The following ZAP70 variants were observed in gnomAD, a reference collection of about 807,000 sequenced individuals.
The protein encoded by ZAP70 is tyrosine-protein kinase ZAP-70.
Under a neutral mutation model 65.8 loss-of-function variants are expected in ZAP70, and 27 were observed. That is an observed-to-expected ratio of 0.41 (90% CI 0.30 to 0.57). ZAP70 has a LOEUF of 0.57. Among genes scored for constraint, ZAP70 ranks in the 20% least tolerant of loss-of-function variants. The pLI is 0.28. For synonymous variants in ZAP70, 363 were observed against 360.8 expected (o/e 1.01, Z -0.07); for missense variants, 696 against 870.5 (o/e 0.80, Z 2.52).
the ZAP70 span, among the ~76,000 whole-genome samples, chr2:97,754,072 T>C: frequency 2.0e-5 from 3 of 152,226 alleles, 1 homozygote; most frequent in Admixed American, 6.5e-5. Flanking sequence ...CTTGGCCTAG[T>C]ACAAAGCGAC....
At chr2:97,730,807 G>C (rs1246079613) in intron 4 of ZAP70, among the ~76,000 whole-genome samples, 1 of 152,178 alleles carries the variant, frequency 6.6e-6, no homozygotes, top group African/African-American at 2.4e-5. Flanking sequence ...TGTAATCCCA[G>C]CACTTTGGGA....
intron 4 of ZAP70, among the ~76,000 whole-genome samples, chr2:97,730,793 C>T (rs529652426): frequency 1.1e-4 from 17 of 152,196 alleles, no homozygotes; most frequent in Middle Eastern, 3.4e-3. Flanking sequence ...TGGTGGCTCA[C>T]GCCTGTAATC....
chr2:97,755,239 G>A, the ZAP70 span, among the ~76,000 whole-genome samples: 1 of 152,054 alleles, frequency 6.6e-6, no homozygotes, highest in Non-Finnish European at 1.5e-5. Flanking sequence ...AGGGACCATG[G>A]AGGAGCTGAA....
intron 4 of ZAP70, among the ~76,000 whole-genome samples, chr2:97,726,920 T>G (rs190018576): frequency 5.3e-5 from 8 of 152,370 alleles, no homozygotes; most frequent in Admixed American, 2.6e-4. Context: ...TTATTGCTCT[T>G]CATGATTCTG....
At chr2:97,741,565 G>A (rs1678131769), downstream of ZAP70, among the ~76,000 whole-genome samples, 1 of 152,194 alleles carries the variant, frequency 6.6e-6, no homozygotes, top group South Asian at 2.1e-4. Flanking sequence ...TGTCCGCTAG[G>A]AAAGCTCCCC....
chr2:97,728,211 C>A lies in ZAP70; in HGVS notation c.563+2959C>A, dbSNP rs538170073. Among the ~76,000 whole-genome samples, 8 of 152,346 alleles carry A rather than the reference C, an allele frequency of 5.3e-5. No homozygotes were observed. The East Asian group carries it at 1.5e-3, about 29-fold the overall frequency. On this transcript the variant is annotated intron_variant, in intron 4 of 13. Coordinates refer to ENST00000264972, the MANE Select transcript of ZAP70 (RefSeq NM_001079.4). ...GAGAGCCAGGGCCAACAGCTTTAAG[C>A]AGCTGTCTGTGCATTGCATATCAAA...
intron 2 of ZAP70, among the ~76,000 whole-genome samples, chr2:97,722,691 G>A (rs1047768457): frequency 5.3e-5 from 8 of 152,228 alleles, no homozygotes; most frequent in African/African-American, 1.9e-4. Flanking sequence ...TCCCCTAGGA[G>A]GGATAGTTCT....
At chr2:97,753,168 G>C in the ZAP70 span, among the ~76,000 whole-genome samples, 1 of 152,184 alleles carries the variant, frequency 6.6e-6, no homozygotes, top group African/African-American at 2.4e-5. Flanking sequence ...TCTGATCATA[G>C]ACTATCCTTT....
chr2:97,735,943 G>A (rs1233468015), intron 10 of ZAP70, among the ~76,000 whole-genome samples: 1 of 152,184 alleles, frequency 6.6e-6, no homozygotes, highest in Non-Finnish European at 1.5e-5. Flanking sequence ...ACGAGGCGGA[G>A]CTTGCAGTGA....
intron 3 of ZAP70, 179 bp from the exon 4 acceptor site, chr2:97,724,913 A>G (rs1456845659): frequency 6.5e-7 from 1 of 1,533,202 alleles, no homozygotes; most frequent in Non-Finnish European, 8.7e-7. Context: ...GTTCCTCCCT[A>G]GCTGGATTGG....
At chr2:97,724,485 GA>G (rs768332464) in intron 3 of ZAP70, 47 bp downstream of exon 3, 1 of 1,509,160 alleles carries the variant, frequency 6.6e-7, no homozygotes, top group Non-Finnish European at 8.8e-7. Context: ...CGTGGCCGAA[GA>G]GGGGCAGTCG....
chr2:97,755,866 T>C, the ZAP70 span, among the ~76,000 whole-genome samples: 2 of 152,218 alleles, frequency 1.3e-5, no homozygotes, highest in Non-Finnish European at 2.9e-5. Flanking sequence ...AGACTGTTCC[T>C]GAGAATGGTG....
intron 4 of ZAP70, among the ~76,000 whole-genome samples, chr2:97,726,328 A>G (rs1305791532): frequency 6.6e-6 from 1 of 152,204 alleles, no homozygotes; most frequent in Non-Finnish European, 1.5e-5. Flanking sequence ...CTTTTCTGTA[A>G]CAGATGGTAT....
chr2:97,737,017 C>A lies in ZAP70; in HGVS notation c.1290-456C>A, dbSNP rs1187104985. Among the ~76,000 whole-genome samples the A allele has an allele frequency of 6.6e-6, 1 of 151,994 alleles. No individual in the cohort carries two copies. Among genetic ancestry groups the A allele is most frequent in the African/African-American group, 2.4e-5 (1 of 41,382 alleles). On this transcript the variant is annotated intron_variant, in intron 10 of 13. Coordinates refer to ENST00000264972, the MANE Select transcript of ZAP70 (RefSeq NM_001079.4). The surrounding 1 kb of genome is among the most constrained non-coding windows in gnomAD (Gnocchi z 5.0). ...TGCGGCTGCTTCCCGGTGGCAGAGG[C>A]AGAGATGAGGAGTGCGGTGGATTCT...
At chr2:97,721,767 T>G (rs1053199208) in intron 2 of ZAP70, among the ~76,000 whole-genome samples, 4 of 150,696 alleles carry the variant, frequency 2.7e-5, no homozygotes, top group Non-Finnish European at 4.4e-5. Context: ...TGCCACATAT[T>G]TTGTTTTTTT....
At chr2:97,717,768 CT>C (rs1056142022) in intron 2 of ZAP70, among the ~76,000 whole-genome samples, 2 of 152,228 alleles carry the variant, frequency 1.3e-5, no homozygotes, top group Non-Finnish European at 2.9e-5. Flanking sequence ...CCCCTTGACT[CT>C]TTTTTCCTTT....
intron 8 of ZAP70, 186 bp from the exon 9 acceptor site, chr2:97,734,334 G>T: frequency 7.0e-7 from 1 of 1,423,560 alleles, no homozygotes. Flanking sequence ...GGCACCCACA[G>T]CTGTGGCCAG....
At position 97,737,853 on chromosome 2, in the gene ZAP70, G is replaced by A. The variant is rs1301038594; in HGVS notation, c.1579G>A (p.Val527Ile). ...SSRSDVWSYG[V>I]TMWEALSYGQ... ...CCGCAGCGATGTCTGGAGCTATGGG[G>A]TCACCATGTGGGAGGCCTTGTCCTA... Residue 527 changes from valine (V) to isoleucine (I), a missense_variant, in exon 12 of 14, where the codon GTC (valine) becomes ATC (isoleucine). Transcript: ENST00000264972. The surrounding 1 kb of genome is among the most constrained non-coding windows in gnomAD (Gnocchi z 5.0). 6.2e-7 allele frequency: 1 copy of A among 1,614,140 alleles called. No homozygotes were observed. Among genetic ancestry groups the A allele is most frequent in the African/African-American group, 1.3e-5 (1 of 75,044 alleles).
In ZAP70 at chr2:97,732,959, A is replaced by C; in HGVS notation, c.640A>C (p.Ser214Arg). The change falls in exon 5 of 14, where the codon AGC (serine) becomes CGC (arginine). Residue 214 changes from serine to arginine, a missense_variant. Ser to Arg is a moderately radical substitution (Grantham distance 110). This residue lies in a region of ZAP70 where 551 missense variants were observed against 630.0 expected (regional missense o/e 0.87). Transcript: ENST00000264972. ...GAAGACGGTGTACCACTACCTCATC[A>C]GCCAAGACAAGGCGGGCAAGTACTG... is the stretch of plus-strand genomic sequence containing the variant. Reference protein sequence around the residue: ...YGKTVYHYLISQDKAGKYCIP... With the variant: ...YGKTVYHYLIRQDKAGKYCIP... 1.2e-6 allele frequency: 2 copies of C among 1,614,154 alleles called. No individual in the cohort carries two copies. Among genetic ancestry groups the C allele is most frequent in the Non-Finnish European group, 1.7e-6 (2 of 1,180,036 alleles).
Sources: gnomAD v4.1 joint callset for allele counts (sites outside exome capture counted in the v4.1 genomes callset) on GRCh38, gnomAD v4.1.1 for gene constraint, gnomAD v4.1.1 regional missense constraint, Gnocchi (gnomAD v3.1) non-coding constraint, MANE v1.5 for transcripts, NCBI Gene and HGNC (gene_info 2026-07-23, HGNC 2026-07-21) for gene names.